ST6GALNAC2: variants seen among roughly 807,000 people sequenced by gnomAD.
The protein encoded by ST6GALNAC2 is alpha-N-acetylgalactosaminide alpha-2,6-sialyltransferase 2.
ST6GALNAC2 carries 42 observed loss-of-function variants against 38.7 expected under a neutral mutation model. The observed-to-expected ratio is 1.09, with a 90% confidence interval of 0.85 to 1.40. The LOEUF (loss-of-function observed/expected upper bound fraction) is 1.40. Ranked by LOEUF, ST6GALNAC2 falls within the 40% of genes most tolerant of loss-of-function variation. The probability of loss-of-function intolerance (pLI) is 0.00; values close to 1 mark genes in which losing one functional copy is unlikely to be tolerated. For missense variants in ST6GALNAC2, 506 were observed against 481.7 expected, an observed-to-expected ratio of 1.05 and a Z score of -0.47; for synonymous variants, 233 against 209.0, an observed-to-expected ratio of 1.11 and a Z score of -0.99.
intron 1 of ST6GALNAC2, among the ~76,000 whole-genome samples, chr17:76,582,539 T>C (rs1230875957): frequency 6.6e-6 from 1 of 152,190 alleles, no homozygotes; most frequent in Non-Finnish European, 1.5e-5. Context: ...GGATAGTAAC[T>C]GGCAGCCCTA....
intron 8 of ST6GALNAC2, among the ~76,000 whole-genome samples, chr17:76,566,673 T>C (rs2075287029): frequency 6.9e-6 from 1 of 145,862 alleles, no homozygotes; most frequent in Admixed American, 7.1e-5. Context: ...CTGGGCAACA[T>C]GGTAAGACCC....
intron 1 of ST6GALNAC2, among the ~76,000 whole-genome samples, chr17:76,582,292 C>T (rs905903257): frequency 6.6e-6 from 1 of 150,476 alleles, no homozygotes; most frequent in Non-Finnish European, 1.5e-5. Context: ...CCATCTCAGT[C>T]CCCCAAGTAG....
chr17:76,578,933 G>A (rs1285245608), intron 1 of ST6GALNAC2, 117 bp from the exon 2 acceptor site: 5 of 800,146 alleles, frequency 6.2e-6, no homozygotes, highest in Middle Eastern at 3.7e-4. Context: ...TGTGCCCATC[G>A]TGGTGGCTCA....
At position 76,572,686 on chromosome 17, in the gene ST6GALNAC2, G is replaced by A; in HGVS notation, c.620C>T (p.Ser207Phe). 3 of 1,614,150 alleles carry A rather than the reference G, an allele frequency of 1.9e-6. No individual in the cohort carries two copies. The highest frequency in any genetic ancestry group is 2.5e-6 in the Non-Finnish European group (3 of 1,180,014). Residue 207 changes from serine (S) to phenylalanine (F), a missense_variant, in exon 5 of 9, where the codon TCC becomes TTC. Physicochemically the swap from Ser to Phe is radical, Grantham distance 155. Transcript: ENST00000225276. ...GCCCAGATTCCAGTAGGAGACGAGG[G>A]AGTTCTTCATCGTGTTCACAGTGAA... Reference protein sequence around the residue: ...YGFTVNTMKNSLVSYWNLGFT... With the variant: ...YGFTVNTMKNFLVSYWNLGFT...
intron 1 of ST6GALNAC2, among the ~76,000 whole-genome samples, chr17:76,582,119 C>G (rs997513459): frequency 6.6e-6 from 1 of 150,770 alleles, no homozygotes; most frequent in African/African-American, 2.4e-5. Context: ...CCCGCCTCGG[C>G]CTCCCAAAGT....
intron 2 of ST6GALNAC2, among the ~76,000 whole-genome samples, 176 bp from the exon 3 acceptor site, chr17:76,574,715 C>T (rs915124030): frequency 1.3e-4 from 20 of 151,386 alleles, no homozygotes; most frequent in African/African-American, 3.4e-4. Flanking sequence ...CTCGCTCTGT[C>T]GCCCAGGCTG....
Position 76,566,229 on chromosome 17 carries a change from A to G in ST6GALNAC2, c.1000T>C (p.Ser334Pro). ...GFITSNYWKF[S>P]DHYFERKMKP... Reference sequence around the variant, plus strand: ...ATTTTTCGTTCGAAATAGTGGTCGGAAAATTTCCAGTAGTTGCTTGTGATG... The same window carrying G: ...ATTTTTCGTTCGAAATAGTGGTCGGGAAATTTCCAGTAGTTGCTTGTGATG... Residue 334 changes from serine (S) to proline (P), a missense_variant, in exon 9 of 9, where the codon TCC becomes CCC. Coordinates refer to ENST00000225276, the MANE Select transcript of ST6GALNAC2 (RefSeq NM_006456.3). 1.2e-6 allele frequency: 2 copies of G among 1,614,158 alleles called. No individual in the cohort carries two copies. The highest frequency in any genetic ancestry group is 2.2e-5 in the East Asian group (1 of 44,888).
chr17:76,578,397 G>T (rs1347539787), intron 2 of ST6GALNAC2, among the ~76,000 whole-genome samples: 2 of 152,148 alleles, frequency 1.3e-5, no homozygotes, highest in Non-Finnish European at 2.9e-5. Context: ...TCAGAGCTTG[G>T]AGTTTGCTCC....
intron 3 of ST6GALNAC2, among the ~76,000 whole-genome samples, chr17:76,574,081 T>C (rs1436491387): frequency 6.6e-6 from 1 of 152,158 alleles, no homozygotes; most frequent in African/African-American, 2.4e-5. Flanking sequence ...ACAGCCTCTG[T>C]CCTTGGCCAC....
Position 76,567,545 on chromosome 17 carries a change from T to C in ST6GALNAC2, c.865A>G (p.Lys289Glu), listed in dbSNP as rs781777112. The part of the protein sequence containing the change: ...FISYLTERFL[K>E]SKLINTHFGD... ...AAATGTGTGTTAATCAACTTTGATT[T>C]CAAGAACCTGGAAGCAAAAAGAGAC... The change falls in exon 8 of 9, where the codon AAA becomes GAA. Residue 289 changes from lysine to glutamate, a missense_variant. Physicochemically the swap from Lys to Glu is moderately conservative, Grantham distance 56. Transcript: ENST00000225276. 18 of 1,612,630 alleles carry C rather than the reference T, an allele frequency of 1.1e-5. No homozygotes were observed. In the South Asian group the frequency reaches 1.9e-4, roughly 17 times the overall value.
At position 76,574,558 on chromosome 17, in the gene ST6GALNAC2, G is replaced by T; in HGVS notation, c.187-19C>A. The T allele has an allele frequency of 6.2e-7, 1 of 1,604,200 alleles. No individual in the cohort carries two copies. Among genetic ancestry groups the T allele is most frequent in the Non-Finnish European group, 8.5e-7 (1 of 1,175,010 alleles). ...CCTGGCCCTGTGGGTGAGAAGGTGAGGGCTGAGCCCCGTTAGGTAGGGGCT... is the reference window on the plus strand; with the variant it reads ...CCTGGCCCTGTGGGTGAGAAGGTGATGGCTGAGCCCCGTTAGGTAGGGGCT... On this transcript the variant is annotated intron_variant, in intron 2 of 8. Transcript: ENST00000225276.
At chr17:76,583,171 C>T (rs988965480) in intron 1 of ST6GALNAC2, among the ~76,000 whole-genome samples, 7 of 152,030 alleles carry the variant, frequency 4.6e-5, no homozygotes, top group Admixed American at 2.0e-4. Flanking sequence ...GTCAGGAGAT[C>T]GAGACCATCC....
intron 2 of ST6GALNAC2, 107 bp downstream of exon 2, chr17:76,578,649 A>C (rs1407950047): frequency 7.4e-6 from 8 of 1,075,498 alleles, no homozygotes; most frequent in Non-Finnish European, 1.1e-5. Flanking sequence ...CGTTCCAAAG[A>C]GCTCCTGCCC....
chr17:76,584,673 C>T lies in ST6GALNAC2; in HGVS notation c.125+1011G>A, dbSNP rs916969618. ...CCCTTTGTTCTAAGAGTGCTGGACT[C>T]CTGATCACTGGCAAGCTGTTTCACA... is the stretch of plus-strand genomic sequence containing the variant. On this transcript the variant is annotated intron_variant, in intron 1 of 8. Transcript: ENST00000225276. 4.6e-5 allele frequency among the ~76,000 whole-genome samples: 7 copies of T among 152,204 alleles called. No homozygotes were observed. The South Asian group carries it at 1.2e-3, about 27-fold the overall frequency.
Position 76,567,461 on chromosome 17 carries a change from A to G in ST6GALNAC2, c.949T>C (p.Cys317Arg). ...AAGAGAAGGCCTCTTACCTGGTCAC[A>G]GGTATGCAAAGCTGTCAGCAGCATG... The part of the protein sequence containing the change: ...ALMLLTALHT[C>R]DQVSAYGFIT... Residue 317 changes from cysteine (C) to arginine (R), a missense_variant, in exon 8 of 9, where the codon TGT becomes CGT. Physicochemically the swap from Cys to Arg is radical, Grantham distance 180. Coordinates refer to ENST00000225276, the MANE Select transcript of ST6GALNAC2 (RefSeq NM_006456.3). 3 of 1,612,812 alleles carry G rather than the reference A, an allele frequency of 1.9e-6. No homozygotes were observed. Among genetic ancestry groups the G allele is most frequent in the Non-Finnish European group, 2.5e-6 (3 of 1,178,904 alleles).
intron 7 of ST6GALNAC2, 130 bp from the exon 8 acceptor site, chr17:76,567,682 G>T (rs2075302093): frequency 1.3e-5 from 8 of 622,706 alleles, no homozygotes; most frequent in Non-Finnish European, 2.3e-5. Flanking sequence ...TCTTTATTCG[G>T]TCCAAGTGGA....
chr17:76,582,204 CTT>C (rs1346686583), intron 1 of ST6GALNAC2, among the ~76,000 whole-genome samples: 1 of 99,772 alleles, frequency 1.0e-5, no homozygotes, highest in African/African-American at 3.9e-5. Flanking sequence ...CAGGGTCTCA[CTT>C]TGTCACTCAG....
chr17:76,584,210 G>A, intron 1 of ST6GALNAC2, among the ~76,000 whole-genome samples: 1 of 40,028 alleles, frequency 2.5e-5, no homozygotes. Context: ...TTTTTTTTCT[G>A]GAGACAGGAC....
At chr17:76,582,417 C>T (rs2075490722) in intron 1 of ST6GALNAC2, among the ~76,000 whole-genome samples, 1 of 144,706 alleles carries the variant, frequency 6.9e-6, no homozygotes, top group Non-Finnish European at 1.5e-5. Context: ...AATCTGCCTG[C>T]CTCAGCCTCC....
Sources: gnomAD v4.1 joint callset for allele counts (sites outside exome capture counted in the v4.1 genomes callset) on GRCh38, gnomAD v4.1.1 for gene constraint, MANE v1.5 for transcripts, NCBI Gene and HGNC (gene_info 2026-07-23, HGNC 2026-07-21) for gene names.